Variants in MTMR7 observed in about 807,000 individuals in gnomAD.
MTMR7 encodes phosphatidylinositol-3-phosphate phosphatase MTMR7.
A neutral mutation model predicts 81.2 loss-of-function variants in MTMR7; 76 were observed. The ratio of observed to expected loss-of-function variants is 0.94; its 90% CI spans 0.78 to 1.13. The LOEUF is 1.13. MTMR7 is among the 50% of genes most tolerant of loss of function. The pLI is 0.00. For synonymous variants in MTMR7, 372 were observed against 289.8 expected (o/e 1.28, Z -2.88); for missense variants, 1,044 against 820.0 (o/e 1.27, Z -3.34).
At chr8:17,341,610 G>A in intron 5 of MTMR7, 113 bp from the exon 6 acceptor site, 1 of 1,324,056 alleles carries the variant, frequency 7.6e-7, no homozygotes, top group South Asian at 1.4e-5. Flanking sequence ...GTCCACCTCG[G>A]CTTATGAAAA....
chr8:17,321,589 G>A (rs535237891), intron 7 of MTMR7, among the ~76,000 whole-genome samples: 103 of 152,290 alleles, frequency 6.8e-4, no homozygotes, highest in Non-Finnish European at 1.1e-3. Context: ...AGCGATTAGC[G>A]CCTGGATTTT....
At chr8:17,375,738 T>A (rs1451098497) in intron 1 of MTMR7, among the ~76,000 whole-genome samples, 1 of 152,208 alleles carries the variant, frequency 6.6e-6, no homozygotes, top group Non-Finnish European at 1.5e-5. Context: ...CTCTTGAATG[T>A]TCTGAGTAGC....
intron 11 of MTMR7, among the ~76,000 whole-genome samples, chr8:17,305,459 A>G (rs1817386273): frequency 6.6e-6 from 1 of 152,144 alleles, no homozygotes; most frequent in African/African-American, 2.4e-5. Context: ...TTTTCCTTTT[A>G]AATGCAAAAA....
chr8:17,395,085 C>T (rs1443347060), intron 1 of MTMR7, among the ~76,000 whole-genome samples: 3 of 152,146 alleles, frequency 2.0e-5, no homozygotes, highest in African/African-American at 7.2e-5. Flanking sequence ...TTATTTTCCC[C>T]TACCCTCAGT....
chr8:17,378,706 C>A (rs571744792), intron 1 of MTMR7, among the ~76,000 whole-genome samples: 2 of 152,280 alleles, frequency 1.3e-5, no homozygotes, highest in East Asian at 1.9e-4. Context: ...ATTATTAATT[C>A]TTGGATGTAC....
chr8:17,313,240 G>A, intron 8 of MTMR7, 52 bp downstream of exon 8: 1 of 1,365,026 alleles, frequency 7.3e-7, no homozygotes, highest in South Asian at 1.2e-5. Context: ...CCATTTTGAA[G>A]TCAGTGGTTT....
chr8:17,325,009 T>G (rs138471054), intron 7 of MTMR7, among the ~76,000 whole-genome samples: 39 of 152,236 alleles, frequency 2.6e-4, no homozygotes, highest in African/African-American at 9.1e-4. Context: ...AAGCTTAAAT[T>G]TGCAATATCT....
At chr8:17,341,527 C>A in intron 5 of MTMR7, 30 bp from the exon 6 acceptor site, 1 of 1,610,134 alleles carries the variant, frequency 6.2e-7, no homozygotes, top group Non-Finnish European at 8.5e-7. Flanking sequence ...CAACACAGCA[C>A]CATCAGGTAA....
chr8:17,385,567 G>C (rs1282251848), intron 1 of MTMR7, among the ~76,000 whole-genome samples: 1 of 152,206 alleles, frequency 6.6e-6, no homozygotes, highest in East Asian at 1.9e-4. Flanking sequence ...CAGCCATGTA[G>C]AACTGTGAGT....
chr8:17,380,236 A>G (rs557317627), intron 1 of MTMR7, among the ~76,000 whole-genome samples: 1 of 152,350 alleles, frequency 6.6e-6, no homozygotes, highest in African/African-American at 2.4e-5. Context: ...CCCAGTTGTC[A>G]GTTTGTTTAT....
intron 3 of MTMR7, among the ~76,000 whole-genome samples, chr8:17,370,633 G>C (rs1820389971): frequency 7.4e-6 from 1 of 135,696 alleles, no homozygotes; most frequent in Non-Finnish European, 1.6e-5. Flanking sequence ...AAAGCATCAA[G>C]AGGGAGAAAA....
intron 6 of MTMR7, among the ~76,000 whole-genome samples, chr8:17,331,537 C>T (rs1296775546): frequency 6.6e-6 from 1 of 152,204 alleles, no homozygotes; most frequent in Non-Finnish European, 1.5e-5. Flanking sequence ...CTGATAAACC[C>T]TTCTGGAGAT....
At chr8:17,402,277 C>T (rs1821449689) in intron 1 of MTMR7, among the ~76,000 whole-genome samples, 1 of 152,020 alleles carries the variant, frequency 6.6e-6, no homozygotes, top group Non-Finnish European at 1.5e-5. Flanking sequence ...CTTTAAAATG[C>T]TAAATTATTA....
intron 5 of MTMR7, among the ~76,000 whole-genome samples, chr8:17,341,746 G>A (rs565666304): frequency 2.1e-4 from 32 of 152,164 alleles, no homozygotes; most frequent in Non-Finnish European, 4.0e-4. Flanking sequence ...TTTAGATAGG[G>A]TCTAAGTTAT....
chr8:17,361,799 C>A (rs1563358072), intron 3 of MTMR7, among the ~76,000 whole-genome samples: 1 of 152,186 alleles, frequency 6.6e-6, no homozygotes, highest in African/African-American at 2.4e-5. Flanking sequence ...TTGGAAACAT[C>A]TGAACTTTAA....
At chr8:17,313,764 C>A (rs901592049) in intron 7 of MTMR7, among the ~76,000 whole-genome samples, 3 of 152,086 alleles carry the variant, frequency 2.0e-5, no homozygotes, top group African/African-American at 7.2e-5. Flanking sequence ...ATTGGGAGTG[C>A]TATGAGGAAA....
intron 8 of MTMR7, among the ~76,000 whole-genome samples, chr8:17,312,361 G>A (rs2150488591): frequency 6.6e-6 from 1 of 152,174 alleles, no homozygotes; most frequent in Admixed American, 6.5e-5. Flanking sequence ...GATCACCTGA[G>A]GTCAGGAGTC....
In MTMR7 at chr8:17,371,725, A is replaced by T. The variant is rs1041067401; in HGVS notation, c.148-526T>A. Among the ~76,000 whole-genome samples, 5 of 152,076 alleles carry T rather than the reference A, an allele frequency of 3.3e-5. No homozygotes were observed. In the South Asian group the frequency reaches 6.2e-4, roughly 19 times the overall value. On this transcript the variant is annotated intron_variant, in intron 2 of 13. Coordinates refer to ENST00000180173, the MANE Select transcript of MTMR7 (RefSeq NM_004686.5). The stretch of plus-strand genomic sequence containing the variant: ...GATTTATTTTATCTTTTTATTTTTT[A>T]AATTAATATTTTTATTGCAAATCAT...
chr8:17,354,901 C>T (rs1236144511), intron 4 of MTMR7, among the ~76,000 whole-genome samples: 2 of 152,128 alleles, frequency 1.3e-5, no homozygotes, highest in East Asian at 3.9e-4. Flanking sequence ...TTTGCAAAAT[C>T]AGAAAATCCC....
Sources: allele counts gnomAD v4.1 joint callset (sites outside exome capture counted in the v4.1 genomes callset), GRCh38; gene constraint gnomAD v4.1.1; transcripts MANE v1.5; gene names NCBI Gene and HGNC (gene_info 2026-07-23, HGNC 2026-07-21).